Variants in RBFOX1 observed in about 807,000 individuals in gnomAD.
The protein encoded by RBFOX1 is RNA binding protein fox-1 homolog 1.
In RBFOX1, 8 loss-of-function variants were observed where a neutral mutation model predicts 57.7. The observed-to-expected ratio is 0.14, with a 90% CI of 0.08 to 0.25. The LOEUF (loss-of-function observed/expected upper bound fraction) is 0.25. Among genes scored for constraint, RBFOX1 ranks in the 10% least tolerant of loss-of-function variants. The probability of loss-of-function intolerance (pLI) is 1.00; values close to 1 mark genes in which losing one functional copy is unlikely to be tolerated. For synonymous variants in RBFOX1, 326 were observed against 222.4 expected, an observed-to-expected ratio of 1.47 and a Z score of -4.15; for missense variants, 611 against 548.5, an observed-to-expected ratio of 1.11 and a Z score of -1.14.
intron 3 of RBFOX1, among the ~76,000 whole-genome samples, chr16:6,773,335 GCA>G (rs1209883207): frequency 2.7e-5 from 4 of 145,672 alleles, no homozygotes; most frequent in African/African-American, 7.7e-5. Flanking sequence ...GCATTTCTGT[GCA>G]TGTGTATGTG....
At chr16:7,025,739 A>G (rs1035475229) in intron 3 of RBFOX1, among the ~76,000 whole-genome samples, 3 of 152,004 alleles carry the variant, frequency 2.0e-5, no homozygotes, top group African/African-American at 4.8e-5. Context: ...GCTGAGCAGG[A>G]GCCATGGGCG....
intron 4 of RBFOX1, among the ~76,000 whole-genome samples, chr16:7,316,431 A>G (rs186802295): frequency 6.5e-4 from 99 of 152,304 alleles, no homozygotes; most frequent in Admixed American, 3.5e-3. Context: ...CTCAAATCTG[A>G]TTATTTCTCT....
intron 14 of RBFOX1, among the ~76,000 whole-genome samples, chr16:7,706,970 A>G (rs756546202): frequency 6.6e-6 from 1 of 152,192 alleles, no homozygotes; most frequent in Non-Finnish European, 1.5e-5. Context: ...CCCAGAAAGA[A>G]GGATAATCGT....
intron 3 of RBFOX1, among the ~76,000 whole-genome samples, chr16:5,710,621 G>C (rs574175561): frequency 1.3e-5 from 2 of 152,180 alleles, no homozygotes; most frequent in Non-Finnish European, 2.9e-5. Flanking sequence ...GGGGAGGGTT[G>C]GTGCACAGGA....
chr16:5,330,195 A>G (rs1206343042), intron 1 of RBFOX1, among the ~76,000 whole-genome samples: 2 of 152,194 alleles, frequency 1.3e-5, no homozygotes, highest in African/African-American at 2.4e-5. Flanking sequence ...TTGGGGGGAT[A>G]TAAACATTAG....
chr16:6,959,866 G>A (rs572449191), intron 3 of RBFOX1, among the ~76,000 whole-genome samples: 1 of 152,276 alleles, frequency 6.6e-6, no homozygotes, highest in Admixed American at 6.5e-5. Flanking sequence ...GAACCTAGGA[G>A]GCGGACATGT....
intron 11 of RBFOX1, among the ~76,000 whole-genome samples, chr16:7,639,497 C>A (rs1568228513): frequency 1.3e-5 from 2 of 152,102 alleles, no homozygotes; most frequent in Admixed American, 6.5e-5. Flanking sequence ...GAAGTTTTTT[C>A]TATATGCCAG....
chr16:6,478,224 CTT>C (rs540210936), intron 2 of RBFOX1, among the ~76,000 whole-genome samples: 10 of 132,336 alleles, frequency 7.6e-5, no homozygotes, highest in Non-Finnish European at 9.7e-5. Context: ...CCTGTCCCAG[CTT>C]TTTTTTTTTT....
At position 7,515,617 on chromosome 16, in the gene RBFOX1, G is replaced by A. The variant is rs368980442; in HGVS notation, c.28-2530G>A. On this transcript the variant is annotated intron_variant, in intron 4 of 15. Transcript: ENST00000550418. ...TACACCTTACATGTATAATTTTTAT[G>A]TTAATGGTATCTTAGTAAAGCTGTT... Among the ~76,000 whole-genome samples, 13 of 152,216 alleles carry A rather than the reference G, an allele frequency of 8.5e-5. No homozygotes were observed. The East Asian group carries it at 9.7e-4, about 11-fold the overall frequency.
At chr16:5,446,663 G>C (rs111369279) in intron 1 of RBFOX1, among the ~76,000 whole-genome samples, 1 of 152,030 alleles carries the variant, frequency 6.6e-6, no homozygotes, top group Non-Finnish European at 1.5e-5. Flanking sequence ...TGTGAGAGGG[G>C]ATCGCTGTGA....
At position 7,251,867 on chromosome 16, in the gene RBFOX1, G is replaced by C. The variant is rs191552454; in HGVS notation, c.27+199769G>C. ...TATATACACAGTAGTGGGATTGCTG[G>C]AGCATATGGTAGTTCTATTTTTAAT... On this transcript the variant is annotated intron_variant, in intron 4 of 15. Transcript: ENST00000550418. Among the ~76,000 whole-genome samples the C allele has an allele frequency of 2.9e-3, 441 of 152,270 alleles. No individual in the cohort carries two copies. The Middle Eastern group carries it at 0.031, about 11-fold the overall frequency.
intron 5 of RBFOX1, among the ~76,000 whole-genome samples, chr16:7,567,255 A>ATATATTCC (rs1172620285): frequency 1.2e-5 from 1 of 84,268 alleles, no homozygotes; most frequent in Non-Finnish European, 2.5e-5. Context: ...ATATCCCTAT[A>ATATATTCC]TATATATATC....
chr16:5,397,679 C>T (rs1040331366), intron 1 of RBFOX1, among the ~76,000 whole-genome samples: 1 of 152,270 alleles, frequency 6.6e-6, no homozygotes, highest in Non-Finnish European at 1.5e-5. Context: ...TTAAGAGACA[C>T]ATCACCCAAA....
chr16:6,586,379 G>A (rs944604233), intron 2 of RBFOX1, among the ~76,000 whole-genome samples: 1 of 152,182 alleles, frequency 6.6e-6, no homozygotes, highest in East Asian at 1.9e-4. Context: ...GGACCCAGTA[G>A]TAATCTATCT....
chr16:6,409,859 T>A (rs2093401663), intron 2 of RBFOX1, among the ~76,000 whole-genome samples: 1 of 152,160 alleles, frequency 6.6e-6, no homozygotes, highest in Admixed American at 6.5e-5. Context: ...ATTTTGTCCT[T>A]GAGAGTCTCG....
intron 4 of RBFOX1, among the ~76,000 whole-genome samples, chr16:5,982,220 T>G (rs995320487): frequency 6.6e-6 from 1 of 152,168 alleles, no homozygotes; most frequent in South Asian, 2.1e-4. Context: ...GCCGCCAAGT[T>G]GTTTCTGGAA....
intron 1 of RBFOX1, among the ~76,000 whole-genome samples, chr16:5,456,435 A>G (rs2068633453): frequency 6.6e-6 from 1 of 152,226 alleles, no homozygotes; most frequent in Admixed American, 6.5e-5. Context: ...TTGTGGAAAT[A>G]GAATCATTCT....
At chr16:6,755,441 C>T (rs1446866912) in intron 3 of RBFOX1, among the ~76,000 whole-genome samples, 1 of 152,188 alleles carries the variant, frequency 6.6e-6, no homozygotes, top group Non-Finnish European at 1.5e-5. Flanking sequence ...ATTTGCATTT[C>T]TCTGATGGCC....
intron 4 of RBFOX1, among the ~76,000 whole-genome samples, chr16:5,892,953 T>C (rs1217400683): frequency 3.9e-5 from 6 of 152,122 alleles, no homozygotes; most frequent in Non-Finnish European, 8.8e-5. Flanking sequence ...CTTCTCCCAA[T>C]GTTCAACGAA....
Sources: gnomAD v4.1 joint callset for allele counts (sites outside exome capture counted in the v4.1 genomes callset) on GRCh38, gnomAD v4.1.1 for gene constraint, MANE v1.5 for transcripts, NCBI Gene and HGNC (gene_info 2026-07-23, HGNC 2026-07-21) for gene names.